SIPA1L3: variants seen among roughly 807,000 people sequenced by gnomAD.
The protein encoded by SIPA1L3 is signal induced proliferation associated 1 like 3, also known as signal-induced proliferation-associated 1-like protein 3.
SIPA1L3 carries 59 observed loss-of-function variants against 150.1 expected under a neutral mutation model. That is an observed-to-expected ratio of 0.39 (90% confidence interval 0.32 to 0.49). The LOEUF is 0.49. SIPA1L3 is among the 20% of genes least tolerant of loss of function. The probability of loss-of-function intolerance (pLI) is 0.86; values close to 1 mark genes in which losing one functional copy is unlikely to be tolerated. For synonymous variants in SIPA1L3, 1,070 were observed against 1,077.6 expected (o/e 0.99, Z 0.14); for missense variants, 2,211 against 2,489.5 (o/e 0.89, Z 2.38).
chr19:38,112,081 C>CCACACA (rs1449381496), intron 8 of SIPA1L3, among the ~76,000 whole-genome samples: 2 of 111,224 alleles, frequency 1.8e-5, no homozygotes, highest in African/African-American at 1.1e-4. Context: ...CACCATGCGT[C>CCACACA]CGCACATGCA....
At chr19:38,203,493 G>C (rs1416416481) in intron 20 of SIPA1L3, among the ~76,000 whole-genome samples, 2 of 152,198 alleles carry the variant, frequency 1.3e-5, no homozygotes, top group Non-Finnish European at 2.9e-5. Flanking sequence ...CAGGCCCAGG[G>C]CTGGGAGGAT....
intron 5 of SIPA1L3, 94 bp downstream of exon 5, chr19:38,100,244 C>T (rs1224678294): frequency 9.9e-7 from 1 of 1,005,654 alleles, no homozygotes; most frequent in African/African-American, 1.7e-5. Flanking sequence ...TTTCTTTTTT[C>T]TTTGCAAGTA....
chr19:38,194,987 G>A (rs8100163), intron 18 of SIPA1L3, among the ~76,000 whole-genome samples: 12,690 of 151,868 alleles, frequency 0.084, 1,516 homozygotes, highest in African/African-American at 0.26. Flanking sequence ...GGAGGCAGAG[G>A]TTGCAGTGAG....
At chr19:37,982,429 C>A (rs1270760982) in intron 1 of SIPA1L3, among the ~76,000 whole-genome samples, 1 of 152,198 alleles carries the variant, frequency 6.6e-6, no homozygotes, top group Non-Finnish European at 1.5e-5. Flanking sequence ...TGGAGATAAT[C>A]ATAGGTAATG....
intron 1 of SIPA1L3, among the ~76,000 whole-genome samples, chr19:37,991,234 A>AAAAG (rs561742926): frequency 7.3e-4 from 111 of 152,282 alleles, no homozygotes; most frequent in Admixed American, 9.8e-4. Flanking sequence ...TCTGTCTCAA[A>AAAAG]AAAGAAAGAA....
In SIPA1L3 at chr19:37,999,004, CA is replaced by C. The variant is rs1346995094; in HGVS notation, c.-378-30084del. Among the ~76,000 whole-genome samples, 334 of 151,774 alleles carry C rather than the reference CA, an allele frequency of 2.2e-3. 1 individual carries two copies. Among genetic ancestry groups the C allele is most frequent in the African/African-American group, 7.9e-3 (325 of 41,310 alleles). ...TCACACACACACACACACACACACA[CA>C]CACACACCCACACACACACAAAGAC... On this transcript the variant is annotated intron_variant, in intron 1 of 21. Transcript: ENST00000222345.
At chr19:38,136,285 C>T (rs751766855) in intron 10 of SIPA1L3, among the ~76,000 whole-genome samples, 2 of 149,790 alleles carry the variant, frequency 1.3e-5, no homozygotes, top group East Asian at 4.0e-4. Flanking sequence ...GACAGGGATG[C>T]GTGTTATATC....
intron 12 of SIPA1L3, 57 bp from the exon 13 acceptor site, chr19:38,152,771 CTCAGGCTCAGGT>C: frequency 3.4e-5 from 52 of 1,519,442 alleles, no homozygotes; most frequent in South Asian, 1.6e-4. Flanking sequence ...AAGGCTCAGG[CTCAGGCTCAGGT>C]GGTTTTCGAC....
chr19:38,042,016 G>A lies in SIPA1L3; in HGVS notation c.-311+12860G>A, dbSNP rs191847154. The stretch of plus-strand genomic sequence containing the variant: ...CCATAGGTTGACTTTTTGTTATGTC[G>A]ATTGTTTCCTTTGCTGTGCAGAAGC... On this transcript the variant is annotated intron_variant, in intron 2 of 21. Transcript: ENST00000222345. Among the ~76,000 whole-genome samples the A allele has an allele frequency of 9.9e-5, 15 of 152,254 alleles. No individual in the cohort carries two copies. In the East Asian group the frequency reaches 1.5e-3, roughly 16 times the overall value.
chr19:38,102,415 G>C (rs1189518583), intron 6 of SIPA1L3, among the ~76,000 whole-genome samples: 2 of 151,194 alleles, frequency 1.3e-5, no homozygotes, highest in African/African-American at 4.9e-5. Flanking sequence ...AGGCCTCCAG[G>C]GATCCTTGGC....
chr19:37,916,368 T>C (rs1405704484), intron 1 of SIPA1L3, among the ~76,000 whole-genome samples: 2 of 151,804 alleles, frequency 1.3e-5, no homozygotes, highest in African/African-American at 4.8e-5. Context: ...GGCTTGGTGA[T>C]GTGCACCTAT....
At chr19:37,964,958 C>T (rs1476241626) in intron 1 of SIPA1L3, among the ~76,000 whole-genome samples, 1 of 152,096 alleles carries the variant, frequency 6.6e-6, no homozygotes, top group African/African-American at 2.4e-5. Flanking sequence ...AGGTTGAGAA[C>T]CATTGAGTTA....
At chr19:38,105,907 A>G (rs1224164230) in intron 6 of SIPA1L3, among the ~76,000 whole-genome samples, 2 of 152,168 alleles carry the variant, frequency 1.3e-5, no homozygotes, top group African/African-American at 4.8e-5. Context: ...CAGGTTATCA[A>G]TTAAGCCTAT....
chr19:38,196,594 A>C (rs761739106), intron 18 of SIPA1L3, among the ~76,000 whole-genome samples: 3 of 122,374 alleles, frequency 2.5e-5, no homozygotes, highest in African/African-American at 6.4e-5. Flanking sequence ...AGGTCAAGGG[A>C]GGAGCATGGA....
At chr19:37,917,040 A>G (rs2046420090) in intron 1 of SIPA1L3, among the ~76,000 whole-genome samples, 2 of 152,222 alleles carry the variant, frequency 1.3e-5, no homozygotes, top group Non-Finnish European at 2.9e-5. Context: ...GAAAAGTAAA[A>G]GGAAGCAGGA....
At chr19:37,975,340 G>A (rs1215618686) in intron 1 of SIPA1L3, among the ~76,000 whole-genome samples, 3 of 152,162 alleles carry the variant, frequency 2.0e-5, no homozygotes, top group Non-Finnish European at 4.4e-5. Flanking sequence ...GCCGAGCCTA[G>A]AGCTGAATGG....
chr19:38,004,254 C>A (rs1967881667), intron 1 of SIPA1L3, among the ~76,000 whole-genome samples: 1 of 152,176 alleles, frequency 6.6e-6, no homozygotes, highest in African/African-American at 2.4e-5. Flanking sequence ...TGTACTGCAG[C>A]AATTTAGGCA....
At chr19:38,143,332 C>T (rs1971633994) in intron 12 of SIPA1L3, among the ~76,000 whole-genome samples, 1 of 152,132 alleles carries the variant, frequency 6.6e-6, no homozygotes, top group Admixed American at 6.5e-5. Context: ...AATCCTAGTC[C>T]TTGGGCCTGA....
intron 1 of SIPA1L3, among the ~76,000 whole-genome samples, chr19:37,948,272 C>T (rs1369084253): frequency 6.6e-6 from 1 of 152,106 alleles, no homozygotes; most frequent in Non-Finnish European, 1.5e-5. Context: ...AAGAGCCCAG[C>T]CTGGGCAACA....
Sources: gnomAD v4.1 joint callset for allele counts (sites outside exome capture counted in the v4.1 genomes callset) on GRCh38, gnomAD v4.1.1 for gene constraint, MANE v1.5 for transcripts, NCBI Gene and HGNC (gene_info 2026-07-23, HGNC 2026-07-21) for gene names.